AQP1: variants seen among roughly 807,000 people sequenced by gnomAD.
AQP1 encodes aquaporin 1 (Colton blood group).
AQP1 carries 11 observed loss-of-function variants against 19.7 expected under a neutral mutation model. That is an observed-to-expected ratio of 0.56 (90% CI 0.35 to 0.92). The LOEUF (loss-of-function observed/expected upper bound fraction) is 0.92, where lower values mean the gene tolerates loss of function less well. Among genes scored for constraint, AQP1 ranks in the 40% least tolerant of loss-of-function variants. The pLI is 0.01. For missense variants in AQP1, 320 were observed against 369.7 expected (o/e 0.87, Z 1.10); for synonymous variants, 159 against 166.7 (o/e 0.95, Z 0.36).
At chr7:30,915,013 A>T (rs1007735322) in intron 1 of AQP1, among the ~76,000 whole-genome samples, 2 of 152,192 alleles carry the variant, frequency 1.3e-5, no homozygotes, top group Non-Finnish European at 2.9e-5. Flanking sequence ...TCCCTGTCCT[A>T]GCTCAGCCAC....
At chr7:30,913,341 C>T (rs1791218901) in intron 1 of AQP1, 1 of 152,498 alleles carries the variant, frequency 6.6e-6, no homozygotes, top group Non-Finnish European at 1.5e-5. Flanking sequence ...AGGATTTGGC[C>T]TGAGAGACTG....
Position 30,924,229 on chromosome 7 carries a change from G to C in AQP1, c.*600G>C, listed in dbSNP as rs1250095816. 3.0e-6 allele frequency: 2 copies of C among 664,938 alleles called. No individual in the cohort carries two copies. 41.2% of individuals were successfully genotyped at this position (664,938 alleles called of 1,614,324 possible). On this transcript the variant is annotated 3_prime_UTR_variant, in exon 4 of 4. Transcript: ENST00000311813. ...CCTGAGTGACCTCCTTCTGCAAAGT[G>C]GCAGGGACCGGCAGAGCTCTACAGG...
At chr7:30,915,336 A>T (rs1252729620) in intron 1 of AQP1, among the ~76,000 whole-genome samples, 1 of 151,302 alleles carries the variant, frequency 6.6e-6, no homozygotes, top group Non-Finnish European at 1.5e-5. Context: ...AGCAGGAGGC[A>T]GATGCGATAA....
At chr7:30,916,233 C>T (rs28362711) in intron 1 of AQP1, among the ~76,000 whole-genome samples, 4,073 of 152,314 alleles carry the variant, frequency 0.027, 87 homozygotes, top group Non-Finnish European at 0.04. Flanking sequence ...TCACCCCCTG[C>T]TCACCACTCC....
chr7:30,912,059 G>A lies in AQP1; in HGVS notation c.150G>A (p.Val50=). The A allele has an allele frequency of 6.2e-7, 1 of 1,613,500 alleles. No homozygotes were observed. Among genetic ancestry groups the A allele is most frequent in the Non-Finnish European group, 8.5e-7 (1 of 1,180,044 alleles). ...GNNQTAVQDN[V]KVSLAFGLSI... is the part of the protein sequence containing the mutation. ...ACCAGACGGCGGTCCAGGACAACGT[G>A]AAGGTGTCGCTGGCCTTCGGGCTGA... is the stretch of plus-strand genomic sequence containing the variant. Residue 50 remains valine (V), a synonymous_variant, in exon 1 of 4, where the codon GTG becomes GTA. Transcript: ENST00000311813. This position sits in a 1 kb window ranked among gnomAD's most constrained non-coding sequence, Gnocchi z 4.3.
intron 1 of AQP1, among the ~76,000 whole-genome samples, chr7:30,919,331 C>T (rs1328468314): frequency 6.6e-6 from 1 of 152,172 alleles, no homozygotes; most frequent in Non-Finnish European, 1.5e-5. Flanking sequence ...TAATTCCAGC[C>T]AGGGATCTGG....
rs373552348 is a variant in AQP1, at chr7:30,923,849, A to G, written c.*220A>G. The G allele has an allele frequency of 1.6e-4, 249 of 1,523,778 alleles. No homozygotes were observed. In the African/African-American group the frequency reaches 2.9e-3, roughly 18 times the overall value. 94.4% of individuals were successfully genotyped at this position (1,523,778 alleles called of 1,614,324 possible). A position where few individuals can be genotyped will look rare whatever the true frequency, so the allele number is the denominator to read the frequency against. On this transcript the variant is annotated 3_prime_UTR_variant, in exon 4 of 4. Transcript: ENST00000311813. The surrounding 1 kb of genome is among the most constrained non-coding windows in gnomAD (Gnocchi z 4.8). ...CAGAGCTTCCTGGGGACCAAGATTT[A>G]CCAATTCACCCACTCCCTTGAAGTT...
intron 1 of AQP1, 163 bp from the exon 2 acceptor site, chr7:30,921,903 C>T (rs1010983966): frequency 1.4e-5 from 21 of 1,527,988 alleles, no homozygotes; most frequent in Non-Finnish European, 1.8e-5. Flanking sequence ...ATTTCCACTA[C>T]CTGCCGTGTA....
chr7:30,919,103 G>A (rs1467861623), intron 1 of AQP1, among the ~76,000 whole-genome samples: 1 of 152,218 alleles, frequency 6.6e-6, no homozygotes, highest in Non-Finnish European at 1.5e-5. Flanking sequence ...CCTAGCAAGG[G>A]TGGGAGTTCT....
chr7:30,923,412 T>TGAGTG lies in AQP1; in HGVS notation c.631-34_631-30dup. On this transcript the variant is annotated intron_variant, in intron 3 of 3. Transcript: ENST00000311813. This position sits in a 1 kb window ranked among gnomAD's most constrained non-coding sequence, Gnocchi z 4.8. ...CTAGGGAACGCTTCCCAGGGGCTTT[T>TGAGTG]GAGTGGAGCCCTCTGAACACACCTG... The TGAGTG allele has an allele frequency of 6.2e-7, 1 of 1,613,176 alleles. No homozygotes were observed. Among genetic ancestry groups the TGAGTG allele is most frequent in the Non-Finnish European group, 8.5e-7 (1 of 1,179,780 alleles).
chr7:30,922,225 C>T lies in AQP1; in HGVS notation c.544C>T (p.Leu182=), dbSNP rs764710639. ...IGLSVALGHL[L]AIDYTGCGIN... is the part of the protein sequence containing the mutation. Reference sequence around the variant, plus strand: ...CCTCTCTGTAGCCCTTGGACACCTCCTGGCTGTGAGTCAGGGGCCCTCCCA... The same window carrying T: ...CCTCTCTGTAGCCCTTGGACACCTCTTGGCTGTGAGTCAGGGGCCCTCCCA... The change falls in exon 2 of 4, where the codon CTG becomes TTG. Residue 182 remains leucine (L), a synonymous_variant. Transcript: ENST00000311813. 2.5e-6 allele frequency: 4 copies of T among 1,585,254 alleles called. No homozygotes were observed. The highest frequency in any genetic ancestry group is 3.4e-6 in the Non-Finnish European group (4 of 1,169,460).
At position 30,923,418 on chromosome 7, in the gene AQP1, G is replaced by T; in HGVS notation, c.631-32G>T. ...AACGCTTCCCAGGGGCTTTTGAGTG[G>T]AGCCCTCTGAACACACCTGCTCTGT... On this transcript the variant is annotated intron_variant, in intron 3 of 3. Transcript: ENST00000311813. The surrounding 1 kb of genome is among the most constrained non-coding windows in gnomAD (Gnocchi z 4.8). 2 of 1,613,384 alleles carry T rather than the reference G, an allele frequency of 1.2e-6. No homozygotes were observed. The highest frequency in any genetic ancestry group is 1.7e-6 in the Non-Finnish European group (2 of 1,179,870).
At chr7:30,915,218 A>G (rs1220359456) in intron 1 of AQP1, among the ~76,000 whole-genome samples, 1 of 152,128 alleles carries the variant, frequency 6.6e-6, no homozygotes, top group Non-Finnish European at 1.5e-5. Context: ...AAGCATGACC[A>G]GGGACTGCTG....
rs1165273697 is a variant in AQP1 at position 30,924,142 on chromosome 7, C to T, written c.*513C>T. Reference sequence around the variant, plus strand: ...AGCTTTGCTCCTTCAGTTCTGCTTGCTCCCAAGCCCCTGACCCGCTCGGAC... The same window carrying T: ...AGCTTTGCTCCTTCAGTTCTGCTTGTTCCCAAGCCCCTGACCCGCTCGGAC... On this transcript the variant is annotated 3_prime_UTR_variant, in exon 4 of 4. Transcript: ENST00000311813. 5.9e-6 allele frequency: 7 copies of T among 1,185,950 alleles called. No homozygotes were observed. Among genetic ancestry groups the T allele is most frequent in the Non-Finnish European group, 5.3e-6 (5 of 939,980 alleles). 73.5% of individuals were successfully genotyped at this position (1,185,950 alleles called of 1,614,324 possible). A position where few individuals can be genotyped will look rare whatever the true frequency, so the allele number is the denominator to read the frequency against.
chr7:30,913,950 G>A (rs1487142427), intron 1 of AQP1, among the ~76,000 whole-genome samples: 1 of 152,158 alleles, frequency 6.6e-6, no homozygotes. Context: ...TGATGGGCTG[G>A]GGGAGCGTCC....
chr7:30,912,697 C>T lies in AQP1; in HGVS notation c.384+404C>T, dbSNP rs1465013103. Among the ~76,000 whole-genome samples the T allele has an allele frequency of 2.0e-5, 3 of 152,216 alleles. No homozygotes were observed. The East Asian group carries it at 5.8e-4, about 29-fold the overall frequency. On this transcript the variant is annotated intron_variant, in intron 1 of 3. Transcript: ENST00000311813. This position sits in a 1 kb window ranked among gnomAD's most constrained non-coding sequence, Gnocchi z 4.3. ...AACTTTGCCCGCTGTCCCCAGCCAC[C>T]CTGAACCAAATGCCCAGCCTGTCTG...
At chr7:30,922,312 G>A in intron 2 of AQP1, 82 bp downstream of exon 2, 3 of 1,507,990 alleles carry the variant, frequency 2.0e-6, no homozygotes, top group Non-Finnish European at 2.7e-6. Flanking sequence ...GCAGCCAGTG[G>A]GACTCCCGAC....
Position 30,923,300 on chromosome 7 carries a change from A to C in AQP1, c.631-150A>C. The C allele has an allele frequency of 2.1e-6, 3 of 1,452,048 alleles. No individual in the cohort carries two copies. Among genetic ancestry groups the C allele is most frequent in the Non-Finnish European group, 1.8e-6 (2 of 1,083,738 alleles). The allele number at this position is 1,452,048 out of a possible 1,614,324, so 89.9% of individuals were successfully genotyped here. ...TGGGCCGGTTCTGAGGGGCACCGGAATCATGATGTTAGGATTTGGCTCTCC... is the reference window on the plus strand; with the variant it reads ...TGGGCCGGTTCTGAGGGGCACCGGACTCATGATGTTAGGATTTGGCTCTCC... On this transcript the variant is annotated intron_variant, in intron 3 of 3. Transcript: ENST00000311813. This position sits in a 1 kb window ranked among gnomAD's most constrained non-coding sequence, Gnocchi z 4.8.
intron 1 of AQP1, 75 bp from the exon 2 acceptor site, chr7:30,921,991 G>A (rs1584389305): frequency 6.2e-7 from 1 of 1,602,222 alleles, no homozygotes; most frequent in South Asian, 1.1e-5. Flanking sequence ...TGGGAGGCCT[G>A]GGTATCCTTG....
Sources: allele counts gnomAD v4.1 joint callset (sites outside exome capture counted in the v4.1 genomes callset), GRCh38; gene constraint gnomAD v4.1.1; non-coding constraint Gnocchi (gnomAD v3.1); transcripts MANE v1.5; gene names NCBI Gene and HGNC (gene_info 2026-07-23, HGNC 2026-07-21).